Variants in SDK1 observed in about 807,000 individuals in gnomAD.
SDK1 encodes the protein protein sidekick-1.
A neutral mutation model predicts 245.5 loss-of-function variants in SDK1; 157 were observed. The ratio of observed to expected loss-of-function variants is 0.64; its 90% CI spans 0.56 to 0.73. SDK1 has a LOEUF of 0.73. Among genes scored for constraint, SDK1 ranks in the 30% least tolerant of loss-of-function variants. The pLI is 0.00. For missense variants in SDK1, 3,583 were observed against 3,002.3 expected (o/e 1.19, Z -4.52); for synonymous variants, 1,647 against 1,278.5 (o/e 1.29, Z -6.15).
intron 2 of SDK1, among the ~76,000 whole-genome samples, chr7:3,637,080 T>TGC (rs368242742): frequency 0.034 from 5,094 of 149,726 alleles, 112 homozygotes; most frequent in Middle Eastern, 0.055. Context: ...AGAGAGTGCG[T>TGC]GCGCGCGTGT....
chr7:3,377,615 CTT>C (rs1342297604), intron 1 of SDK1, among the ~76,000 whole-genome samples: 1 of 152,102 alleles, frequency 6.6e-6, no homozygotes, highest in East Asian at 1.9e-4. Flanking sequence ...TCTGAGTTCC[CTT>C]TGTTCTCTCT....
chr7:4,129,708 G>T, intron 26 of SDK1, 200 bp from the exon 27 acceptor site: 1 of 1,416,326 alleles, frequency 7.1e-7, no homozygotes, highest in South Asian at 1.5e-5. Context: ...AGCTCCCCTG[G>T]AGCGCAGTCA....
intron 4 of SDK1, among the ~76,000 whole-genome samples, chr7:3,757,781 G>T (rs549829261): frequency 2.0e-5 from 3 of 152,190 alleles, no homozygotes; most frequent in African/African-American, 7.2e-5. Context: ...TTAAATCGTT[G>T]GTCCTAGGTG....
chr7:3,728,423 G>A (rs1779078332), intron 4 of SDK1, among the ~76,000 whole-genome samples: 3 of 152,178 alleles, frequency 2.0e-5, no homozygotes, highest in Admixed American at 2.0e-4. Context: ...GGCGGGATGT[G>A]CTCACCACCT....
chr7:3,437,662 G>T (rs1431241706), intron 1 of SDK1, among the ~76,000 whole-genome samples: 1 of 152,136 alleles, frequency 6.6e-6, no homozygotes, highest in African/African-American at 2.4e-5. Flanking sequence ...ACCTATTTCA[G>T]GGGGCAGGGC....
rs890634727 is a variant in SDK1, at chr7:3,647,592, A to AT, written c.713+5496dup. On this transcript the variant is annotated intron_variant, in intron 4 of 44. Transcript: ENST00000404826. Reference sequence around the variant, plus strand: ...CAGGCGTGCGCCACTATGCCTGGCTATTTTTTTTTGTATTTTTATTGGAGA... The same window carrying AT: ...CAGGCGTGCGCCACTATGCCTGGCTATTTTTTTTTTGTATTTTTATTGGAGA... Among the ~76,000 whole-genome samples, 14 of 150,468 alleles carry AT rather than the reference A, an allele frequency of 9.3e-5. No homozygotes were observed. The South Asian group carries it at 1.7e-3, about 18-fold the overall frequency.
chr7:4,102,776 T>A (rs1007299387), intron 22 of SDK1, among the ~76,000 whole-genome samples: 2 of 151,974 alleles, frequency 1.3e-5, no homozygotes, highest in Admixed American at 6.6e-5. Context: ...CGGCCAGACC[T>A]GGGAGTGGGC....
At chr7:3,340,782 AT>A (rs1166536281) in intron 1 of SDK1, among the ~76,000 whole-genome samples, 1 of 149,178 alleles carries the variant, frequency 6.7e-6, no homozygotes. Context: ...AAAAAAAAAA[AT>A]CATCTATGAA....
intron 4 of SDK1, among the ~76,000 whole-genome samples, chr7:3,701,753 G>A (rs1784745429): frequency 6.6e-6 from 1 of 152,166 alleles, no homozygotes; most frequent in African/African-American, 2.4e-5. Flanking sequence ...AATAAAAACT[G>A]TGATATTGTT....
chr7:4,128,108 G>A (rs1005433521), intron 26 of SDK1, among the ~76,000 whole-genome samples: 3 of 152,112 alleles, frequency 2.0e-5, no homozygotes, highest in East Asian at 3.9e-4. Context: ...TCCATCACTC[G>A]GGGCGACAGG....
At chr7:3,370,432 T>A (rs1293469768) in intron 1 of SDK1, among the ~76,000 whole-genome samples, 1 of 152,238 alleles carries the variant, frequency 6.6e-6, no homozygotes, top group African/African-American at 2.4e-5. Context: ...AATTTCTTCT[T>A]TTATAAAAAG....
rs962988708 is a variant in SDK1, at chr7:3,958,919, T to C, written c.1151-12T>C. The stretch of plus-strand genomic sequence containing the variant: ...TTGGCTTAGGGGCTTTTTTTTATTT[T>C]CTTGTTTGAAGAGCCACCATATTTT... On this transcript the variant is annotated splice_polypyrimidine_tract_variant and intron_variant, in intron 7 of 44. Transcript: ENST00000404826. 5.0e-6 allele frequency: 8 copies of C among 1,610,076 alleles called. No individual in the cohort carries two copies. Among genetic ancestry groups the C allele is most frequent in the Non-Finnish European group, 6.8e-6 (8 of 1,176,718 alleles).
intron 1 of SDK1, among the ~76,000 whole-genome samples, chr7:3,608,371 C>T (rs1242236194): frequency 1.3e-5 from 2 of 152,126 alleles, no homozygotes; most frequent in Non-Finnish European, 2.9e-5. Flanking sequence ...CCCATTTTTA[C>T]TTGAAGTAGT....
intron 35 of SDK1, among the ~76,000 whole-genome samples, chr7:4,189,643 A>C (rs1224431035): frequency 6.6e-6 from 1 of 152,206 alleles, no homozygotes; most frequent in African/African-American, 2.4e-5. Context: ...TGAGGTCAGG[A>C]GTTCGAAACC....
intron 4 of SDK1, among the ~76,000 whole-genome samples, chr7:3,740,693 C>G (rs1398204510): frequency 1.3e-5 from 2 of 152,128 alleles, no homozygotes; most frequent in African/African-American, 4.8e-5. Flanking sequence ...GGGAATAGGG[C>G]AAGTTAAAAC....
At chr7:3,442,786 G>A (rs552708121) in intron 1 of SDK1, among the ~76,000 whole-genome samples, 22 of 152,272 alleles carry the variant, frequency 1.4e-4, no homozygotes, top group African/African-American at 5.3e-4. Flanking sequence ...CTTGTTGCCA[G>A]TGACTACCTG....
intron 1 of SDK1, among the ~76,000 whole-genome samples, chr7:3,502,448 C>T (rs971901184): frequency 1.3e-5 from 2 of 152,040 alleles, no homozygotes; most frequent in Admixed American, 6.6e-5. Context: ...TGGGGTTTCC[C>T]TATGTTGGCC....
intron 4 of SDK1, among the ~76,000 whole-genome samples, chr7:3,777,977 T>C (rs1780615388): frequency 6.6e-6 from 1 of 152,182 alleles, no homozygotes; most frequent in African/African-American, 2.4e-5. Flanking sequence ...ATGGACATTG[T>C]GATTTGGCAG....
chr7:3,322,446 G>A (rs964538473), intron 1 of SDK1, among the ~76,000 whole-genome samples: 1 of 152,154 alleles, frequency 6.6e-6, no homozygotes, highest in Non-Finnish European at 1.5e-5. Context: ...CTGTGAACAT[G>A]TATGTGTGTT....
Sources: allele counts gnomAD v4.1 joint callset (sites outside exome capture counted in the v4.1 genomes callset), GRCh38; gene constraint gnomAD v4.1.1; transcripts MANE v1.5; gene names NCBI Gene and HGNC (gene_info 2026-07-23, HGNC 2026-07-21).